DLG1: variants seen among roughly 807,000 people sequenced by gnomAD.
DLG1 encodes the protein discs large MAGUK scaffold protein 1.
A neutral mutation model predicts 123.4 loss-of-function variants in DLG1; 42 were observed. That is an observed-to-expected ratio of 0.34 (90% CI 0.27 to 0.44). The LOEUF (loss-of-function observed/expected upper bound fraction) is 0.44. Among genes scored for constraint, DLG1 ranks in the 20% least tolerant of loss-of-function variants. The pLI is 1.00. For synonymous variants in DLG1, 317 were observed against 356.2 expected (o/e 0.89, Z 1.24); for missense variants, 942 against 1,082.6 (o/e 0.87, Z 1.82).
intron 6 of DLG1, among the ~76,000 whole-genome samples, chr3:197,147,434 A>AC (rs1167369557): frequency 0.035 from 619 of 17,588 alleles, 2 homozygotes; most frequent in Non-Finnish European, 0.054. Flanking sequence ...TATGGTGTGC[A>AC]CACACACACA....
At chr3:197,086,725 C>T (rs7613405) in intron 15 of DLG1, among the ~76,000 whole-genome samples, 2,488 of 151,974 alleles carry the variant, frequency 0.016, 76 homozygotes, top group African/African-American at 0.056. Flanking sequence ...CAGGGGGGAT[C>T]GTTAAGCAGG....
At chr3:197,297,938 G>C in intron 1 of DLG1, 1 of 982,534 alleles carries the variant, frequency 1.0e-6, no homozygotes, top group Non-Finnish European at 1.2e-6. Context: ...GCGAAGGGAC[G>C]GGGGAGGAGC....
chr3:197,135,277 T>C (rs1784518542), intron 10 of DLG1, among the ~76,000 whole-genome samples: 1 of 152,206 alleles, frequency 6.6e-6, no homozygotes, highest in Admixed American at 6.5e-5. Flanking sequence ...TCATCCTGAA[T>C]TGTAATCCCC....
chr3:197,093,439 T>C (rs550630048), intron 14 of DLG1, among the ~76,000 whole-genome samples: 1 of 152,322 alleles, frequency 6.6e-6, no homozygotes, highest in Non-Finnish European at 1.5e-5. Flanking sequence ...TTACCCACTG[T>C]GCCCAGCCAA....
intron 3 of DLG1, among the ~76,000 whole-genome samples, chr3:197,286,510 A>G (rs1280718578): frequency 6.6e-6 from 1 of 152,142 alleles, no homozygotes; most frequent in South Asian, 2.1e-4. Context: ...CGGGAGGCAG[A>G]GCTCAGGTGG....
intron 15 of DLG1, 52 bp downstream of exon 15, chr3:197,090,860 T>A: frequency 9.3e-7 from 1 of 1,071,644 alleles, no homozygotes; most frequent in Non-Finnish European, 1.4e-6. Context: ...ACAAAATAAT[T>A]TACATGCATA....
At chr3:197,086,073 A>G (rs973225286) in intron 15 of DLG1, among the ~76,000 whole-genome samples, 6 of 152,244 alleles carry the variant, frequency 3.9e-5, no homozygotes, top group Non-Finnish European at 7.4e-5. Context: ...TGAAATTAAT[A>G]AACAAAAAGT....
intron 4 of DLG1, among the ~76,000 whole-genome samples, chr3:197,244,834 G>C (rs1297714734): frequency 6.6e-6 from 1 of 152,098 alleles, no homozygotes; most frequent in Non-Finnish European, 1.5e-5. Flanking sequence ...GATGTGCTGG[G>C]AACTCCAAGG....
intron 4 of DLG1, among the ~76,000 whole-genome samples, chr3:197,212,708 A>ACTAT (rs1731901923): frequency 6.6e-6 from 1 of 152,250 alleles, no homozygotes; most frequent in South Asian, 2.1e-4. Context: ...TTTTAATTTG[A>ACTAT]CTATCTCTGT....
At chr3:197,075,699 T>C (rs558952704) in intron 18 of DLG1, 70 of 572,580 alleles carry the variant, frequency 1.2e-4, no homozygotes, top group Non-Finnish European at 1.8e-4. Context: ...GTGATAAACA[T>C]GAAAATTCTA....
chr3:197,285,874 G>T (rs780907104), intron 3 of DLG1, among the ~76,000 whole-genome samples: 9 of 152,146 alleles, frequency 5.9e-5, no homozygotes, highest in Non-Finnish European at 1.3e-4. Flanking sequence ...GCGCTCCTTG[G>T]TATTCACCCA....
intron 4 of DLG1, among the ~76,000 whole-genome samples, chr3:197,219,996 C>CTATG (rs1347150240): frequency 6.6e-6 from 1 of 152,200 alleles, no homozygotes; most frequent in Non-Finnish European, 1.5e-5. Context: ...AAAAACATTA[C>CTATG]TATGTACACT....
intron 4 of DLG1, among the ~76,000 whole-genome samples, chr3:197,231,893 T>C (rs1743318575): frequency 7.2e-6 from 1 of 138,444 alleles, no homozygotes; most frequent in Non-Finnish European, 1.6e-5. Flanking sequence ...GCTTTCACAG[T>C]TGAAGACAGC....
At chr3:197,181,857 G>A (rs1156707160) in intron 5 of DLG1, among the ~76,000 whole-genome samples, 3 of 152,156 alleles carry the variant, frequency 2.0e-5, no homozygotes, top group African/African-American at 4.8e-5. Flanking sequence ...ATACAGGAAT[G>A]CTCTGAACCA....
chr3:197,297,750 G>C (rs1362880682), intron 1 of DLG1: 1 of 986,176 alleles, frequency 1.0e-6, no homozygotes, highest in East Asian at 1.1e-4. Context: ...CGACGCCCTC[G>C]CGCCCCGCAT....
intron 4 of DLG1, among the ~76,000 whole-genome samples, chr3:197,236,593 C>G (rs780728466): frequency 6.6e-6 from 1 of 152,302 alleles, no homozygotes; most frequent in South Asian, 2.1e-4. Context: ...TGGGACTCAA[C>G]GCCCAATCAC....
intron 3 of DLG1, among the ~76,000 whole-genome samples, chr3:197,295,438 A>G (rs1448854877): frequency 1.3e-5 from 2 of 152,118 alleles, no homozygotes; most frequent in Non-Finnish European, 2.9e-5. Flanking sequence ...ATAATTAAGT[A>G]TATGTCTTCT....
chr3:197,103,535 T>C (rs951301669), intron 14 of DLG1, among the ~76,000 whole-genome samples: 3 of 151,954 alleles, frequency 2.0e-5, no homozygotes, highest in East Asian at 1.9e-4. Flanking sequence ...AATTAACGAA[T>C]TGACATTCTG....
intron 14 of DLG1, 120 bp downstream of exon 14, chr3:197,104,783 T>C: frequency 1.4e-6 from 1 of 695,408 alleles, no homozygotes; most frequent in South Asian, 1.8e-5. Context: ...GATTAGCAAA[T>C]CAGAAAAAAA....
Sources: allele counts gnomAD v4.1 joint callset (sites outside exome capture counted in the v4.1 genomes callset), GRCh38; gene constraint gnomAD v4.1.1; transcripts MANE v1.5; gene names NCBI Gene and HGNC (gene_info 2026-07-23, HGNC 2026-07-21).